Variants in CHM observed in about 807,000 individuals in gnomAD.
The protein encoded by CHM is rab proteins geranylgeranyltransferase component A 1.
In CHM, 10 loss-of-function variants were observed where a neutral mutation model predicts 49.0. The ratio of observed to expected loss-of-function variants is 0.20; its 90% CI spans 0.13 to 0.35. The LOEUF (loss-of-function observed/expected upper bound fraction) is 0.35, where lower values mean the gene tolerates loss of function less well. Ranked by LOEUF, CHM falls within the 10% of genes least tolerant of loss-of-function variation. CHM has a pLI of 1.00. For missense variants in CHM, 455 were observed against 478.4 expected (o/e 0.95, Z 0.46); for synonymous variants, 184 against 167.5 (o/e 1.10, Z -0.76).
At chrX:85,935,407 C>T (rs984592947) in intron 8 of CHM, among the ~76,000 whole-genome samples, 7 of 111,308 alleles carry the variant, frequency 6.3e-5, no homozygotes, top group African/African-American at 9.8e-5. Context: ...AGCCATCCAT[C>T]GCTTAACAAC....
intron 2 of CHM, among the ~76,000 whole-genome samples, chrX:85,989,953 A>G (rs1932099764): frequency 8.9e-6 from 1 of 112,248 alleles, no homozygotes; most frequent in African/African-American, 3.2e-5. Flanking sequence ...AGCTAAAAGC[A>G]GAGCTACCAT....
intron 12 of CHM, among the ~76,000 whole-genome samples, chrX:85,886,882 TCA>T (rs1482598425): frequency 3.7e-5 from 4 of 108,330 alleles, no homozygotes; most frequent in African/African-American, 1.3e-4. Flanking sequence ...CAGTTTTATC[TCA>T]GTGTATTTCT....
chrX:86,038,030 G>A (rs1248403836), intron 1 of CHM, among the ~76,000 whole-genome samples: 1 of 111,619 alleles, frequency 9.0e-6, no homozygotes, highest in Non-Finnish European at 1.9e-5. Flanking sequence ...TATTTCAGTG[G>A]GAAATTATGT....
chrX:85,883,797 C>T (rs1924905873), intron 12 of CHM, among the ~76,000 whole-genome samples: 1 of 110,417 alleles, frequency 9.1e-6, no homozygotes, highest in African/African-American at 3.3e-5. Flanking sequence ...TTATTACATA[C>T]ATCATATATA....
chrX:85,889,759 T>G (rs1449959524), intron 12 of CHM, among the ~76,000 whole-genome samples: 5 of 111,758 alleles, frequency 4.5e-5, no homozygotes, highest in Non-Finnish European at 5.6e-5. Context: ...CACTCCCATG[T>G]TCATCACAGC....
At chrX:85,871,050 C>T (rs926149081) in intron 14 of CHM, among the ~76,000 whole-genome samples, 21 of 109,699 alleles carry the variant, frequency 1.9e-4, no homozygotes, top group Non-Finnish European at 3.4e-4. Flanking sequence ...TGGTGGCTCA[C>T]GCCTGTAATC....
In CHM at chrX:85,861,472, G is replaced by A. The variant is rs998431803; in HGVS notation, c.*3158C>T. 2 of 111,454 alleles carry A rather than the reference G, an allele frequency of 1.8e-5. No homozygotes were observed. Among genetic ancestry groups the A allele is most frequent in the African/African-American group, 3.3e-5 (1 of 30,703 alleles). 9.2% of individuals were successfully genotyped at this position (111,454 alleles called of 1,213,427 possible). The stretch of plus-strand genomic sequence containing the variant: ...CCAGGTAACTATGGCAGTGACAGAA[G>A]TCAATCATTAATACTGCCATTATTT... On this transcript the variant is annotated 3_prime_UTR_variant, in exon 15 of 15. Coordinates refer to ENST00000357749, the MANE Select transcript of CHM (RefSeq NM_000390.4).
chrX:85,971,128 A>G (rs1930876313), intron 4 of CHM: 4 of 720,686 alleles, frequency 5.6e-6, no homozygotes, highest in Non-Finnish European at 6.6e-6. Flanking sequence ...TAGAATACAT[A>G]TATTAGAATT....
In CHM at chrX:86,004,393, A is replaced by T. The variant is rs185496394; in HGVS notation, c.117-22584T>A. Among the ~76,000 whole-genome samples the T allele has an allele frequency of 2.7e-5, 3 of 112,101 alleles. No individual in the cohort carries two copies. The East Asian group carries it at 8.4e-4, about 31-fold the overall frequency. ...AACCAGCGAACATCATAATGACAGG[A>T]TCAAATTCACACATAACAATATTAA... On this transcript the variant is annotated intron_variant, in intron 2 of 14. Coordinates refer to ENST00000357749, the MANE Select transcript of CHM (RefSeq NM_000390.4).
intron 2 of CHM, among the ~76,000 whole-genome samples, chrX:86,016,756 C>T (rs1450840252): frequency 8.9e-6 from 1 of 112,069 alleles, no homozygotes; most frequent in Non-Finnish European, 1.9e-5. Flanking sequence ...CACACAGAGT[C>T]CCTACTGGGG....
chrX:85,931,893 A>T (rs776419090), intron 8 of CHM, among the ~76,000 whole-genome samples: 2 of 112,302 alleles, frequency 1.8e-5, no homozygotes, highest in African/African-American at 6.5e-5. Flanking sequence ...GCCAGAGAGG[A>T]CCTCAAAGTA....
intron 4 of CHM, chrX:85,970,362 T>G: frequency 1.3e-6 from 1 of 746,046 alleles, no homozygotes; most frequent in Non-Finnish European, 1.6e-6. Flanking sequence ...CTATATAGTA[T>G]TCCAGTAAAT....
At chrX:85,879,549 CTA>C (rs1924631847) in intron 12 of CHM, among the ~76,000 whole-genome samples, 1 of 111,698 alleles carries the variant, frequency 9.0e-6, no homozygotes. Context: ...TTAAAACAGT[CTA>C]TAATATTTTC....
intron 9 of CHM, chrX:85,903,785 A>T: frequency 3.0e-6 from 1 of 335,703 alleles, no homozygotes; most frequent in East Asian, 7.9e-5. Flanking sequence ...GGTGGAGAAA[A>T]ATCAAGGGCT....
At chrX:85,970,469 T>C (rs149580201) in intron 4 of CHM, 18,830 of 749,833 alleles carry the variant, frequency 0.025, 182 homozygotes, top group Non-Finnish European at 0.028. Flanking sequence ...TGCATACATG[T>C]GTTTACCTGA....
intron 8 of CHM, among the ~76,000 whole-genome samples, chrX:85,932,724 C>T (rs1031466366): frequency 2.7e-5 from 3 of 111,808 alleles, no homozygotes; most frequent in Non-Finnish European, 5.6e-5. Flanking sequence ...ACAAAGAAAA[C>T]TAATGCTTGT....
intron 2 of CHM, among the ~76,000 whole-genome samples, chrX:86,023,284 G>T (rs1398194651): frequency 9.0e-6 from 1 of 111,122 alleles, no homozygotes; most frequent in Non-Finnish European, 1.9e-5. Flanking sequence ...GTACTTAATT[G>T]TATATTCTCT....
At chrX:85,868,914 T>C (rs956499069) in intron 14 of CHM, among the ~76,000 whole-genome samples, 1 of 112,094 alleles carries the variant, frequency 8.9e-6, no homozygotes, top group East Asian at 2.8e-4. Context: ...AGCCTCCATC[T>C]CTCAGACTTC....
At chrX:85,941,011 AT>A (rs1187551399) in intron 8 of CHM, among the ~76,000 whole-genome samples, 1 of 111,671 alleles carries the variant, frequency 9.0e-6, no homozygotes, top group Non-Finnish European at 1.9e-5. Flanking sequence ...GCTTCTTGAC[AT>A]TGATATCAAG....
Sources: allele counts gnomAD v4.1 joint callset (sites outside exome capture counted in the v4.1 genomes callset), GRCh38; gene constraint gnomAD v4.1.1; transcripts MANE v1.5; gene names NCBI Gene and HGNC (gene_info 2026-07-23, HGNC 2026-07-21).